Variants in VAT1L observed in about 807,000 individuals in gnomAD.
VAT1L encodes the protein vesicle amine transport 1 like, also known as putative NADPH-dependent quinone oxidoreductase VAT1L.
A neutral mutation model predicts 44.1 loss-of-function variants in VAT1L; 34 were observed. The ratio of observed to expected loss-of-function variants is 0.77; its 90% CI spans 0.59 to 1.03. The LOEUF (loss-of-function observed/expected upper bound fraction) is 1.03, where lower values mean the gene tolerates loss of function less well. Ranked by LOEUF, VAT1L falls within the 50% of genes least tolerant of loss-of-function variation. The pLI is 0.00. For missense variants in VAT1L, 615 were observed against 538.8 expected, an observed-to-expected ratio of 1.14 and a Z score of -1.40; for synonymous variants, 253 against 202.2, an observed-to-expected ratio of 1.25 and a Z score of -2.13.
chr16:77,959,282 G>C (rs1350545329), intron 7 of VAT1L, among the ~76,000 whole-genome samples: 2 of 152,180 alleles, frequency 1.3e-5, no homozygotes, highest in East Asian at 1.9e-4. Context: ...TTCCATCTGG[G>C]TCAGAATCTT....
chr16:77,837,171 C>A (rs1053810837), intron 3 of VAT1L, among the ~76,000 whole-genome samples: 5 of 152,154 alleles, frequency 3.3e-5, no homozygotes, highest in Non-Finnish European at 7.4e-5. Flanking sequence ...TTTCACTCCA[C>A]GGGTTTTGTT....
chr16:77,788,802 G>T lies in VAT1L; in HGVS notation c.120G>T (p.Gln40His). Residue 40 changes from glutamine (Q) to histidine (H), a missense_variant, in exon 1 of 9, where the codon CAG becomes CAT. Gln to His is a conservative substitution (Grantham distance 24). Transcript: ENST00000302536. ...GCTCGCACCGCCTCGGGGACGCCCA[G>T]GAGATGCGCGCGGTGGTGCTGGCTG... is the stretch of plus-strand genomic sequence containing the variant. ...GDGSHRLGDA[Q>H]EMRAVVLAGF... is the part of the protein sequence containing the mutation. 6.4e-7 allele frequency: 1 copy of T among 1,573,356 alleles called. No individual in the cohort carries two copies. The highest frequency in any genetic ancestry group is 2.3e-5 in the East Asian group (1 of 43,130).
chr16:77,848,231 G>T (rs985889253), intron 3 of VAT1L, among the ~76,000 whole-genome samples: 1 of 152,164 alleles, frequency 6.6e-6, no homozygotes, highest in Non-Finnish European at 1.5e-5. Flanking sequence ...AGAACGGGCT[G>T]ACTAGAGAGG....
chr16:77,977,951 G>A lies in VAT1L; in HGVS notation c.*256G>A, dbSNP rs555056584. ...CTGTATCAAAACCATCCATCTGTGG[G>A]TTCTTCTTGACAGTTCTAGAACAGC... is the stretch of plus-strand genomic sequence containing the variant. On this transcript the variant is annotated 3_prime_UTR_variant, in exon 9 of 9. Coordinates refer to ENST00000302536, the MANE Select transcript of VAT1L (RefSeq NM_020927.3). 5 of 420,542 alleles carry A rather than the reference G, an allele frequency of 1.2e-5. No individual in the cohort carries two copies. The highest frequency in any genetic ancestry group is 4.9e-5 in the South Asian group (2 of 40,570). 26.1% of individuals were successfully genotyped at this position (420,542 alleles called of 1,614,324 possible). A position where few individuals can be genotyped will look rare whatever the true frequency, so the allele number is the denominator to read the frequency against.
At chr16:77,791,335 C>T (rs1435662261) in intron 1 of VAT1L, among the ~76,000 whole-genome samples, 2 of 152,138 alleles carry the variant, frequency 1.3e-5, no homozygotes, top group Non-Finnish European at 2.9e-5. Flanking sequence ...TGGAATAAAG[C>T]ATAGTCCATT....
chr16:77,926,745 C>G (rs1271173168), intron 7 of VAT1L, among the ~76,000 whole-genome samples: 1 of 152,186 alleles, frequency 6.6e-6, no homozygotes, highest in Non-Finnish European at 1.5e-5. Flanking sequence ...CTGAGCAAAT[C>G]ACTGCCCCCT....
At position 77,879,451 on chromosome 16, in the gene VAT1L, C is replaced by G. The variant is rs1197715102; in HGVS notation, c.882+227C>G. ...GATTACAGGCATGCGCCACCATACC[C>G]AGCTAATTTTTGTATTTGTAGTAGA... On this transcript the variant is annotated intron_variant, in intron 6 of 8. Transcript: ENST00000302536. The surrounding 1 kb of genome is among the most constrained non-coding windows in gnomAD (Gnocchi z 4.1). 1.3e-5 allele frequency among the ~76,000 whole-genome samples: 2 copies of G among 152,172 alleles called. No individual in the cohort carries two copies. The highest frequency in any genetic ancestry group is 2.9e-5 in the Non-Finnish European group (2 of 68,032).
intron 3 of VAT1L, among the ~76,000 whole-genome samples, chr16:77,846,846 G>C (rs1175311599): frequency 6.6e-6 from 1 of 151,654 alleles, no homozygotes; most frequent in South Asian, 2.1e-4. Context: ...GTATATAGTG[G>C]TGTATTCAGT....
intron 4 of VAT1L, among the ~76,000 whole-genome samples, 199 bp downstream of exon 4, chr16:77,863,089 C>T (rs1031156292): frequency 2.6e-5 from 4 of 152,292 alleles, no homozygotes; most frequent in South Asian, 2.1e-4. Flanking sequence ...CACCAAGGAA[C>T]GAATCGGCTA....
chr16:77,973,675 T>TA (rs36095384), intron 8 of VAT1L, among the ~76,000 whole-genome samples: 54,154 of 145,486 alleles, frequency 0.37, 10,071 homozygotes, highest in Middle Eastern at 0.41. Flanking sequence ...ATCAGTTCTT[T>TA]AAAAAAAAAA....
intron 1 of VAT1L, among the ~76,000 whole-genome samples, chr16:77,796,906 C>T (rs2015944171): frequency 6.6e-6 from 1 of 152,104 alleles, no homozygotes; most frequent in South Asian, 2.1e-4. Context: ...GACGTTCTCA[C>T]TTAGAAGTGG....
chr16:77,885,288 G>C (rs968489692), intron 7 of VAT1L, among the ~76,000 whole-genome samples: 1 of 152,170 alleles, frequency 6.6e-6, no homozygotes, highest in Admixed American at 6.5e-5. Flanking sequence ...GTTGGATTGA[G>C]TCTTTTTGTT....
chr16:77,899,118 A>G (rs535725075), intron 7 of VAT1L, among the ~76,000 whole-genome samples: 3 of 152,352 alleles, frequency 2.0e-5, no homozygotes, highest in African/African-American at 7.2e-5. Flanking sequence ...ATCTAGACTC[A>G]TGGCAATCCT....
chr16:77,944,609 G>T (rs1307278125), intron 7 of VAT1L, among the ~76,000 whole-genome samples: 18 of 152,154 alleles, frequency 1.2e-4, no homozygotes, highest in Non-Finnish European at 2.5e-4. Context: ...GATTAAAGGA[G>T]ATAATGCCTG....
intron 4 of VAT1L, among the ~76,000 whole-genome samples, chr16:77,871,993 G>C (rs1597076531): frequency 6.6e-6 from 1 of 152,076 alleles, no homozygotes; most frequent in Non-Finnish European, 1.5e-5. Context: ...AGCTACCATG[G>C]ACCCAGAGCT....
At chr16:77,933,205 A>G (rs1286402051) in intron 7 of VAT1L, among the ~76,000 whole-genome samples, 2 of 152,224 alleles carry the variant, frequency 1.3e-5, no homozygotes, top group African/African-American at 4.8e-5. Flanking sequence ...ATTTGGACTT[A>G]TAGTAAACCC....
chr16:77,908,322 C>A (rs1341752072), intron 7 of VAT1L, among the ~76,000 whole-genome samples: 2 of 150,920 alleles, frequency 1.3e-5, no homozygotes, highest in Admixed American at 1.3e-4. Flanking sequence ...ATTAGCCACA[C>A]GTGGTGGTGA....
chr16:77,845,340 G>C (rs934050669), intron 3 of VAT1L, among the ~76,000 whole-genome samples: 4 of 152,172 alleles, frequency 2.6e-5, no homozygotes, highest in Admixed American at 2.6e-4. Context: ...GTGGCAGTAT[G>C]TTCCTGAGTG....
chr16:77,900,465 G>A (rs558437988), intron 7 of VAT1L, among the ~76,000 whole-genome samples: 28 of 152,000 alleles, frequency 1.8e-4, no homozygotes, highest in African/African-American at 5.8e-4. Context: ...AGGACAAGGC[G>A]GGGGGGATCA....
Sources: allele counts gnomAD v4.1 joint callset (sites outside exome capture counted in the v4.1 genomes callset), GRCh38; gene constraint gnomAD v4.1.1; non-coding constraint Gnocchi (gnomAD v3.1); transcripts MANE v1.5; gene names NCBI Gene and HGNC (gene_info 2026-07-23, HGNC 2026-07-21).